Variants in NKAIN3 observed in about 807,000 individuals in gnomAD.
The protein encoded by NKAIN3 is sodium/potassium-transporting ATPase subunit beta-1-interacting protein 3.
Under a neutral mutation model 30.2 loss-of-function variants are expected in NKAIN3, and 25 were observed. The ratio of observed to expected loss-of-function variants is 0.83; its 90% CI spans 0.60 to 1.16. The LOEUF (loss-of-function observed/expected upper bound fraction) is 1.16. Ranked by LOEUF, NKAIN3 falls within the 50% of genes most tolerant of loss-of-function variation. The probability of loss-of-function intolerance (pLI) is 0.00; values close to 1 mark genes in which losing one functional copy is unlikely to be tolerated. For missense variants in NKAIN3, 225 were observed against 254.1 expected, an observed-to-expected ratio of 0.89 and a Z score of 0.78; for synonymous variants, 91 against 89.6, an observed-to-expected ratio of 1.02 and a Z score of -0.09.
chr8:62,856,410 G>T (rs778248525), intron 4 of NKAIN3: 33 of 798,630 alleles, frequency 4.1e-5, no homozygotes, highest in Non-Finnish European at 2.3e-6. Flanking sequence ...GAACCCTGAG[G>T]TCCTCATCCT....
chr8:62,535,880 C>T (rs1808645004), intron 1 of NKAIN3, among the ~76,000 whole-genome samples: 1 of 152,014 alleles, frequency 6.6e-6, no homozygotes, highest in Admixed American at 6.6e-5. Flanking sequence ...GATTAGAGTC[C>T]TACTTTGGGC....
chr8:62,990,034 G>A, intron 5 of NKAIN3: 1 of 546,084 alleles, frequency 1.8e-6, no homozygotes, highest in Non-Finnish European at 3.3e-6. Context: ...CTCAATGAAT[G>A]TTTAGACTTG....
At chr8:62,647,342 T>C (rs1489611261) in intron 3 of NKAIN3, among the ~76,000 whole-genome samples, 1 of 152,196 alleles carries the variant, frequency 6.6e-6, no homozygotes, top group Non-Finnish European at 1.5e-5. Flanking sequence ...CTTTTAAAGT[T>C]GTTCATCCAT....
rs568365586 is a variant in NKAIN3, at chr8:62,610,458, T to C, written c.273+20664T>C. 2.4e-4 allele frequency among the ~76,000 whole-genome samples: 37 copies of C among 152,058 alleles called. No individual in the cohort carries two copies. In the South Asian group the frequency reaches 5.2e-3, roughly 21 times the overall value. Reference sequence around the variant, plus strand: ...ATTTCAAAGCAGAGTAGATAGTAGATAGTAGTAGAGGTGGTGCATGAGACA... The same window carrying C: ...ATTTCAAAGCAGAGTAGATAGTAGACAGTAGTAGAGGTGGTGCATGAGACA... On this transcript the variant is annotated intron_variant, in intron 3 of 6. Transcript: ENST00000623646.
intron 1 of NKAIN3, among the ~76,000 whole-genome samples, chr8:62,274,710 G>A (rs1160123766): frequency 6.6e-6 from 1 of 151,676 alleles, no homozygotes; most frequent in Non-Finnish European, 1.5e-5. Flanking sequence ...TCGTCATTTA[G>A]CATTAGGTTT....
chr8:62,561,223 A>G lies in NKAIN3; in HGVS notation c.55-18316A>G, dbSNP rs371126041. On this transcript the variant is annotated intron_variant, in intron 1 of 6. Coordinates refer to ENST00000623646, the MANE Select transcript of NKAIN3 (RefSeq NM_001304533.3). ...AAAAAGAAAACCCAGGGAAATCATCACCTCATGATTCCTCAGGTAGCTGGA... is the reference window on the plus strand; with the variant it reads ...AAAAAGAAAACCCAGGGAAATCATCGCCTCATGATTCCTCAGGTAGCTGGA... Among the ~76,000 whole-genome samples the G allele has an allele frequency of 5.3e-5, 8 of 152,164 alleles. No individual in the cohort carries two copies. In the East Asian group the frequency reaches 1.4e-3, roughly 26 times the overall value.
chr8:62,845,810 G>A (rs1045329469), intron 4 of NKAIN3, among the ~76,000 whole-genome samples: 3 of 152,020 alleles, frequency 2.0e-5, no homozygotes, highest in African/African-American at 7.2e-5. Flanking sequence ...GAAAAGACAG[G>A]CTTTGTTCTG....
intron 1 of NKAIN3, among the ~76,000 whole-genome samples, chr8:62,558,608 G>C (rs1007626199): frequency 6.6e-6 from 1 of 151,976 alleles, no homozygotes; most frequent in Admixed American, 6.6e-5. Flanking sequence ...TGATTCATAA[G>C]ACAAGTCTCA....
intron 4 of NKAIN3, among the ~76,000 whole-genome samples, chr8:62,749,367 TA>T (rs1405055933): frequency 6.6e-6 from 1 of 152,214 alleles, no homozygotes; most frequent in East Asian, 1.9e-4. Context: ...ACTTTTCCCT[TA>T]TAAATGAATT....
At chr8:62,365,835 G>T (rs1268998902) in intron 1 of NKAIN3, among the ~76,000 whole-genome samples, 1 of 151,916 alleles carries the variant, frequency 6.6e-6, no homozygotes, top group Non-Finnish European at 1.5e-5. Flanking sequence ...ATTTGCATTT[G>T]TCTGATTAGT....
chr8:62,894,371 T>C, intron 4 of NKAIN3, among the ~76,000 whole-genome samples: 1 of 152,316 alleles, frequency 6.6e-6, no homozygotes, highest in Non-Finnish European at 1.5e-5. Flanking sequence ...TTCAAAATTA[T>C]CTTTTTCTTG....
At chr8:62,347,777 T>C (rs1027149220) in intron 1 of NKAIN3, among the ~76,000 whole-genome samples, 6 of 152,154 alleles carry the variant, frequency 3.9e-5, no homozygotes, top group African/African-American at 1.4e-4. Flanking sequence ...AGGCTCATTC[T>C]GGAGTAGATA....
intron 5 of NKAIN3, among the ~76,000 whole-genome samples, chr8:62,932,851 C>T (rs908582292): frequency 2.6e-5 from 4 of 152,090 alleles, no homozygotes; most frequent in Admixed American, 6.6e-5. Context: ...GATTCTCCCA[C>T]CTCAGCTTCC....
chr8:62,919,227 ATTTTTTTTTTTTTTTTT>A (rs71255371), intron 5 of NKAIN3, among the ~76,000 whole-genome samples: 2 of 47,184 alleles, frequency 4.2e-5, no homozygotes, highest in African/African-American at 9.0e-5. Flanking sequence ...TACTTTCAAA[ATTTTTTTTTTTTTTTTT>A]TTTTTTTTTT....
At chr8:62,801,319 G>A (rs978731689) in intron 4 of NKAIN3, among the ~76,000 whole-genome samples, 1 of 152,206 alleles carries the variant, frequency 6.6e-6, no homozygotes, top group Non-Finnish European at 1.5e-5. Flanking sequence ...GCTTCCTCAA[G>A]TGGGTCCCTG....
At chr8:62,526,505 TA>T (rs1808307783) in intron 1 of NKAIN3, among the ~76,000 whole-genome samples, 1 of 152,178 alleles carries the variant, frequency 6.6e-6, no homozygotes, top group Non-Finnish European at 1.5e-5. Context: ...GACAACATTT[TA>T]AATAGTAGAT....
chr8:62,594,599 C>A (rs879652696), intron 3 of NKAIN3, among the ~76,000 whole-genome samples: 4 of 152,054 alleles, frequency 2.6e-5, no homozygotes, highest in Admixed American at 1.3e-4. Flanking sequence ...CTCTGTCCTG[C>A]AGATGAGAAA....
chr8:62,374,618 A>G (rs1283429997), intron 1 of NKAIN3, among the ~76,000 whole-genome samples: 2 of 152,242 alleles, frequency 1.3e-5, no homozygotes, highest in Non-Finnish European at 2.9e-5. Flanking sequence ...GTCAATTCTC[A>G]TGGTTTACTT....
chr8:62,641,272 A>G (rs1812301129), intron 3 of NKAIN3, among the ~76,000 whole-genome samples: 1 of 152,190 alleles, frequency 6.6e-6, no homozygotes, highest in African/African-American at 2.4e-5. Context: ...TGAAAAATAA[A>G]TGAAAATTTT....
Sources: allele counts gnomAD v4.1 joint callset (sites outside exome capture counted in the v4.1 genomes callset), GRCh38; gene constraint gnomAD v4.1.1; transcripts MANE v1.5; gene names NCBI Gene and HGNC (gene_info 2026-07-23, HGNC 2026-07-21).